Variants in CCDC180 observed in about 807,000 individuals in gnomAD.
The protein encoded by CCDC180 is coiled-coil domain containing 180.
A neutral mutation model predicts 209.2 loss-of-function variants in CCDC180; 154 were observed. That is an observed-to-expected ratio of 0.74 (90% CI 0.65 to 0.84). CCDC180 has a LOEUF of 0.84. Ranked by LOEUF, CCDC180 falls within the 40% of genes least tolerant of loss-of-function variation. CCDC180 has a pLI of 0.00. For synonymous variants in CCDC180, 778 were observed against 749.1 expected, an observed-to-expected ratio of 1.04 and a Z score of -0.63; for missense variants, 1,874 against 1,997.3, an observed-to-expected ratio of 0.94 and a Z score of 1.18.
intron 20 of CCDC180, among the ~76,000 whole-genome samples, chr9:97,348,490 G>C (rs541307642): frequency 2.6e-4 from 40 of 152,310 alleles, no homozygotes; most frequent in Non-Finnish European, 5.6e-4. Context: ...AACAAGGCCA[G>C]AGAAGCAAAG....
intron 11 of CCDC180, 44 bp downstream of exon 11, chr9:97,320,249 G>A (rs770740645): frequency 7.8e-6 from 12 of 1,545,304 alleles, no homozygotes; most frequent in Middle Eastern, 3.4e-4. Flanking sequence ...CTCCAGAACT[G>A]TTTAAGCAGT....
chr9:97,343,366 G>A lies in CCDC180; in HGVS notation c.2301G>A (p.Glu767=). The change falls in exon 19 of 37, where the codon GAG becomes GAA. Residue 767 remains glutamate (E), a synonymous_variant. Transcript: ENST00000529487. ...GEEEDKEEGL[E]EIYYEDMESF... is the part of the protein sequence containing the mutation. Reference sequence around the variant, plus strand: ...AAGAAGACAAGGAAGAGGGTCTAGAGGAGATATACTATGAGGACATGGAGT... The same window carrying A: ...AAGAAGACAAGGAAGAGGGTCTAGAAGAGATATACTATGAGGACATGGAGT... 1.4e-5 allele frequency: 22 copies of A among 1,612,256 alleles called. No homozygotes were observed. Among genetic ancestry groups the A allele is most frequent in the Non-Finnish European group, 1.8e-5 (21 of 1,178,338 alleles).
chr9:97,355,044 C>G, intron 24 of CCDC180, 36 bp downstream of exon 24: 2 of 1,379,666 alleles, frequency 1.4e-6, no homozygotes, highest in Non-Finnish European at 2.1e-6. Context: ...GGATCTTTAT[C>G]ACACACACCT....
Position 97,371,671 on chromosome 9 carries a change from A to T in CCDC180, c.4565A>T (p.Asp1522Val). The T allele has an allele frequency of 6.2e-7, 1 of 1,606,222 alleles. No individual in the cohort carries two copies. The highest frequency in any genetic ancestry group is 8.5e-7 in the Non-Finnish European group (1 of 1,173,800). ...TFTEKFLLQL[D>V]EVVTIDDVQV... The stretch of plus-strand genomic sequence containing the variant: ...ACCGAGAAGTTCCTACTGCAGTTGG[A>T]TGAGGTGGTCACCATTGACGATGTC... The change falls in exon 34 of 37, where the codon GAT becomes GTT. Residue 1522 changes from aspartate (D) to valine (V), a missense_variant. By Grantham distance (152) the Asp-to-Val change is radical (BLOSUM62 -3). Coordinates refer to ENST00000529487, the MANE Select transcript of CCDC180 (RefSeq NM_020893.6).
intron 24 of CCDC180, among the ~76,000 whole-genome samples, chr9:97,356,124 A>G (rs1038785764): frequency 6.6e-6 from 1 of 152,110 alleles, no homozygotes. Context: ...GTCAGCAGGG[A>G]CACATTCTGA....
At chr9:97,313,994 G>A (rs1020952542) in intron 5 of CCDC180, among the ~76,000 whole-genome samples, 1 of 152,094 alleles carries the variant, frequency 6.6e-6, no homozygotes, top group African/African-American at 2.4e-5. Context: ...TTCTTCATAC[G>A]TCCCAACTAG....
chr9:97,316,937 A>T, intron 8 of CCDC180, 128 bp from the exon 9 acceptor site: 1 of 839,820 alleles, frequency 1.2e-6, no homozygotes, highest in Non-Finnish European at 1.9e-6. Flanking sequence ...AGGCCCTGCA[A>T]CCACCCCACT....
At chr9:97,359,823 T>C (rs938126151) in intron 25 of CCDC180, among the ~76,000 whole-genome samples, 159 bp from the exon 26 acceptor site, 5 of 152,046 alleles carry the variant, frequency 3.3e-5, no homozygotes, top group African/African-American at 1.2e-4. Flanking sequence ...CAGCCCAGCC[T>C]TCCCCACTCC....
At chr9:97,375,953 C>G in intron 36 of CCDC180, 1 of 250,948 alleles carries the variant, frequency 4.0e-6, no homozygotes, top group Non-Finnish European at 7.7e-6. Context: ...CAGGAGCAGT[C>G]ACAGCTCCTG....
intron 24 of CCDC180, 126 bp downstream of exon 24, chr9:97,355,134 A>G (rs1826541521): frequency 1.5e-6 from 1 of 651,056 alleles, no homozygotes; most frequent in South Asian, 1.9e-5. Context: ...CCAGCCAGGA[A>G]GACAGACACA....
chr9:97,331,422 C>G (rs10733603), intron 18 of CCDC180, among the ~76,000 whole-genome samples: 45,122 of 152,010 alleles, frequency 0.3, 7,363 homozygotes, highest in African/African-American at 0.42. Context: ...ATTTACATTC[C>G]TTTGGGTATA....
At chr9:97,353,974 A>G (rs1156586020) in intron 22 of CCDC180, among the ~76,000 whole-genome samples, 1 of 143,264 alleles carries the variant, frequency 7.0e-6, no homozygotes, top group Non-Finnish European at 1.5e-5. Context: ...CTCCCCTTCT[A>G]GTTTCACTTC....
chr9:97,360,284 C>G (rs976156446), intron 26 of CCDC180, among the ~76,000 whole-genome samples, 183 bp downstream of exon 26: 3 of 152,078 alleles, frequency 2.0e-5, no homozygotes, highest in African/African-American at 7.2e-5. Context: ...ATTCTAATCC[C>G]CAGGGGGCCA....
At chr9:97,309,383 C>T in intron 2 of CCDC180, 31 bp from the exon 3 acceptor site, 1 of 1,590,672 alleles carries the variant, frequency 6.3e-7, no homozygotes, top group Non-Finnish European at 8.5e-7. Flanking sequence ...GCTCTGACCA[C>T]TCCCCCATCC....
Position 97,320,159 on chromosome 9 carries a change from GCTGA to G in CCDC180, c.1118_1121del (p.Thr373SerfsTer9), listed in dbSNP as rs1833310910. 2 of 1,614,182 alleles carry G rather than the reference GCTGA, an allele frequency of 1.2e-6. No homozygotes were observed. The highest frequency in any genetic ancestry group is 1.3e-5 in the African/African-American group (1 of 75,038). On this transcript the variant is annotated frameshift_variant, in exon 11 of 37. Transcript: ENST00000529487. LOFTEE classifies it high-confidence loss of function. ...TGCCCCCCAGTTACAGCAAAACTCA[GCTGA>G]CTGAGTGGCATTCTTCCCTCAACTC... is the stretch of plus-strand genomic sequence containing the variant.
chr9:97,337,691 G>C (rs1437303981), intron 18 of CCDC180, among the ~76,000 whole-genome samples: 1 of 152,174 alleles, frequency 6.6e-6, no homozygotes, highest in Non-Finnish European at 1.5e-5. Context: ...ATGTGTTAGG[G>C]AGGATTCCCT....
intron 26 of CCDC180, among the ~76,000 whole-genome samples, chr9:97,360,742 C>T (rs541756318): frequency 1.3e-5 from 2 of 152,236 alleles, no homozygotes; most frequent in Non-Finnish European, 2.9e-5. Context: ...GCCCATAGCA[C>T]CTCCCACTTC....
chr9:97,332,615 AT>A (rs2118703213), intron 18 of CCDC180, among the ~76,000 whole-genome samples: 1 of 151,924 alleles, frequency 6.6e-6, no homozygotes, highest in African/African-American at 2.4e-5. Flanking sequence ...ATTCCTAGGT[AT>A]TTTATTCTTT....
In CCDC180 at chr9:97,364,178, G is replaced by C. The variant is rs775858382; in HGVS notation, c.3980+50G>C. The C allele has an allele frequency of 9.0e-6, 14 of 1,559,232 alleles. No homozygotes were observed. The African/African-American group carries it at 1.8e-4, about 20-fold the overall frequency. ...GACTGCATTTAACCTGTTTTGGGTT[G>C]CAGGGGCAGCAAATGTGACTCAGCT... On this transcript the variant is annotated intron_variant, in intron 29 of 36. Transcript: ENST00000529487.
Sources: gnomAD v4.1 joint callset for allele counts (sites outside exome capture counted in the v4.1 genomes callset) on GRCh38, gnomAD v4.1.1 for gene constraint, MANE v1.5 for transcripts, NCBI Gene and HGNC (gene_info 2026-07-23, HGNC 2026-07-21) for gene names.